The following FOCAD variants were observed in gnomAD, a reference collection of about 807,000 sequenced individuals.
FOCAD encodes focadhesin.
In FOCAD, 198 loss-of-function variants were observed where a neutral mutation model predicts 225.6. The ratio of observed to expected loss-of-function variants is 0.88; its 90% confidence interval spans 0.78 to 0.99. The LOEUF (loss-of-function observed/expected upper bound fraction) is 0.99. Among genes scored for constraint, FOCAD ranks in the 50% least tolerant of loss-of-function variants. The pLI is 0.00. For synonymous variants in FOCAD, 897 were observed against 755.0 expected (o/e 1.19, Z -3.08); for missense variants, 2,713 against 2,123.6 (o/e 1.28, Z -5.46).
chr9:20,904,900 A>T (rs1465274131), intron 21 of FOCAD, among the ~76,000 whole-genome samples: 2 of 152,052 alleles, frequency 1.3e-5, no homozygotes, highest in South Asian at 4.1e-4. Flanking sequence ...CACCCTAGCA[A>T]CATTAACCTA....
chr9:20,782,804 A>G (rs1819511278), intron 10 of FOCAD, among the ~76,000 whole-genome samples: 1 of 152,236 alleles, frequency 6.6e-6, no homozygotes, highest in Non-Finnish European at 1.5e-5. Context: ...TAAATGCTCC[A>G]GCAGCACAAA....
Position 20,969,272 on chromosome 9 carries a change from C to T in FOCAD, c.4133-7148C>T, listed in dbSNP as rs948665383. Among the ~76,000 whole-genome samples the T allele has an allele frequency of 2.6e-5, 4 of 151,930 alleles. No individual in the cohort carries two copies. The East Asian group carries it at 7.7e-4, about 29-fold the overall frequency. On this transcript the variant is annotated intron_variant, in intron 35 of 43. Coordinates refer to ENST00000338382, the MANE Select transcript of FOCAD (RefSeq NM_001375567.1). ...GTTGAGTGGAACTGTTCTAGCTATGCCAGCTAGGTCTCTCTGGTTTACACT... is the reference window on the plus strand; with the variant it reads ...GTTGAGTGGAACTGTTCTAGCTATGTCAGCTAGGTCTCTCTGGTTTACACT...
In FOCAD at chr9:20,807,583, C is replaced by G. The variant is rs147105717; in HGVS notation, c.1456-12213C>G. Among the ~76,000 whole-genome samples, 264 of 152,276 alleles carry G rather than the reference C, an allele frequency of 1.7e-3. 3 individuals are homozygous for G. The East Asian group carries it at 0.043, about 25-fold the overall frequency. ...AGTATGTTATATATATGTATTTGTG[C>G]TAAGCCTCCCAAATCTGGTATGTAT... On this transcript the variant is annotated intron_variant, in intron 11 of 43. Coordinates refer to ENST00000338382, the MANE Select transcript of FOCAD (RefSeq NM_001375567.1).
At chr9:20,887,288 G>A (rs907644323) in intron 21 of FOCAD, among the ~76,000 whole-genome samples, 10 of 151,416 alleles carry the variant, frequency 6.6e-5, no homozygotes, top group Admixed American at 5.3e-4. Context: ...AGGCTGGAGT[G>A]CAATGGTGCA....
chr9:20,866,917 T>TTTTTTTTTTTTAAAAAAAA lies in FOCAD; in HGVS notation c.2107-12_2107-11insTTTTTTTTTTTAAAAAAAA. On this transcript the variant is annotated splice_polypyrimidine_tract_variant and intron_variant, in intron 17 of 43. Coordinates refer to ENST00000338382, the MANE Select transcript of FOCAD (RefSeq NM_001375567.1). Reference sequence around the variant, plus strand: ...TTTTTTTTTTTTTTTTTTTTTTTTTTACCCTATCTAGGACCCAATTGTAGC... The same window carrying TTTTTTTTTTTTAAAAAAAA: ...TTTTTTTTTTTTTTTTTTTTTTTTTTTTTTTTTTTTTAAAAAAAAACCCTATCTAGGACCCAATTGTAGC... 1 of 764,970 alleles carries TTTTTTTTTTTTAAAAAAAA rather than the reference T, an allele frequency of 1.3e-6. No individual in the cohort carries two copies. Among genetic ancestry groups the TTTTTTTTTTTTAAAAAAAA allele is most frequent in the Non-Finnish European group, 2.0e-6 (1 of 498,466 alleles). The allele number at this position is 764,970 out of a possible 1,614,324, so 47.4% of individuals were successfully genotyped here. A position where few individuals can be genotyped will look rare whatever the true frequency, so the allele number is the denominator to read the frequency against.
intron 15 of FOCAD, among the ~76,000 whole-genome samples, chr9:20,832,502 A>T (rs1043035521): frequency 6.6e-6 from 1 of 152,084 alleles, no homozygotes; most frequent in South Asian, 2.1e-4. Context: ...ATCATGGAGA[A>T]TGGAGTAATC....
intron 1 of FOCAD, among the ~76,000 whole-genome samples, chr9:20,692,599 G>A (rs1823040887): frequency 6.6e-6 from 1 of 152,170 alleles, no homozygotes. Context: ...TCTTGCCCGT[G>A]CTCACTCATG....
At chr9:20,661,722 A>G (rs1434789274) in intron 2 of FOCAD, among the ~76,000 whole-genome samples, 1 of 152,206 alleles carries the variant, frequency 6.6e-6, no homozygotes, top group East Asian at 1.9e-4. Flanking sequence ...ATATTGCTGC[A>G]AGCCCTATGG....
intron 11 of FOCAD, among the ~76,000 whole-genome samples, chr9:20,817,188 AT>A (rs1335943317): frequency 6.6e-6 from 1 of 152,210 alleles, no homozygotes; most frequent in Non-Finnish European, 1.5e-5. Flanking sequence ...TTTGAATTGA[AT>A]TTAAAAAACC....
intron 24 of FOCAD, 149 bp from the exon 25 acceptor site, chr9:20,923,511 G>C: frequency 1.7e-6 from 1 of 591,922 alleles, no homozygotes; most frequent in Non-Finnish European, 3.0e-6. Flanking sequence ...GAAACTGTTG[G>C]CCTAACACAA....
rs72701965 is a variant in FOCAD, at chr9:20,668,539, C to T, written c.-78+9713C>T. ...AGGCAACATCTACATCAAAAAATTA[C>T]AGGGGGAGGAAAAGAAGAGAAATTA... is the stretch of plus-strand genomic sequence containing the variant. On this transcript the variant is annotated intron_variant, in intron 2 of 45. Coordinates refer to the FOCAD transcript ENST00000380249. 8.2e-3 allele frequency among the ~76,000 whole-genome samples: 1,253 copies of T among 152,154 alleles called. 11 individuals are homozygous for T. The highest frequency in any genetic ancestry group is 0.017 in the South Asian group (83 of 4,814).
intron 35 of FOCAD, among the ~76,000 whole-genome samples, chr9:20,968,630 TG>T (rs1839488375): frequency 6.6e-6 from 1 of 151,722 alleles, no homozygotes; most frequent in African/African-American, 2.4e-5. Flanking sequence ...TTAGTAGAGA[TG>T]GGGTTTGACC....
intron 27 of FOCAD, among the ~76,000 whole-genome samples, chr9:20,931,133 A>C (rs1835428163): frequency 6.6e-6 from 1 of 152,152 alleles, no homozygotes; most frequent in South Asian, 2.1e-4. Context: ...TTTGTGGTTA[A>C]CTTAATCATG....
At chr9:20,722,786 A>G (rs1478245816) in intron 4 of FOCAD, among the ~76,000 whole-genome samples, 1 of 152,210 alleles carries the variant, frequency 6.6e-6, no homozygotes, top group African/African-American at 2.4e-5. Context: ...ATCTTGTGCA[A>G]GCCACCTAGA....
chr9:20,987,122 A>T (rs1841250556), intron 40 of FOCAD, among the ~76,000 whole-genome samples: 1 of 152,190 alleles, frequency 6.6e-6, no homozygotes, highest in Non-Finnish European at 1.5e-5. Flanking sequence ...GTGGCTGGGA[A>T]GCTTGTGCGA....
chr9:20,849,769 A>G (rs545778826), intron 15 of FOCAD, among the ~76,000 whole-genome samples: 21 of 152,026 alleles, frequency 1.4e-4, no homozygotes, highest in Non-Finnish European at 2.4e-4. Flanking sequence ...CTTCCCTGAC[A>G]TTTATCTGCC....
At chr9:20,681,797 A>G (rs939094607), upstream of FOCAD, among the ~76,000 whole-genome samples, 10 of 152,360 alleles carry the variant, frequency 6.6e-5, no homozygotes, top group East Asian at 5.8e-4. Flanking sequence ...AGTATACCCC[A>G]GAAGGAGGGG....
intron 4 of FOCAD, among the ~76,000 whole-genome samples, chr9:20,730,652 AGGGGAGTGAAAGAAACAGCAT>A (rs1221509891): frequency 6.6e-6 from 1 of 152,116 alleles, no homozygotes. Flanking sequence ...GTTAAGATGG[AGGGGAGTGAAAGAAACAGCAT>A]CTTCCAAATA....
At chr9:20,784,523 G>A (rs1012212152) in intron 10 of FOCAD, among the ~76,000 whole-genome samples, 3 of 152,200 alleles carry the variant, frequency 2.0e-5, no homozygotes, top group African/African-American at 7.2e-5. Flanking sequence ...GTGAGATGAA[G>A]TGGAAAAGGA....
Sources: gnomAD v4.1 joint callset for allele counts (sites outside exome capture counted in the v4.1 genomes callset) on GRCh38, gnomAD v4.1.1 for gene constraint, MANE v1.5 for transcripts, NCBI Gene and HGNC (gene_info 2026-07-23, HGNC 2026-07-21) for gene names.